The following PPP2R5A variants were observed in gnomAD, a reference collection of about 807,000 sequenced individuals.
PPP2R5A encodes the protein serine/threonine-protein phosphatase 2A 56 kDa regulatory subunit alpha isoform.
Under a neutral mutation model 64.2 loss-of-function variants are expected in PPP2R5A, and 25 were observed. The ratio of observed to expected loss-of-function variants is 0.39; its 90% CI spans 0.28 to 0.54. The LOEUF is 0.54. Among genes scored for constraint, PPP2R5A ranks in the 20% least tolerant of loss-of-function variants. The probability of loss-of-function intolerance (pLI) is 0.67; values close to 1 mark genes in which losing one functional copy is unlikely to be tolerated. For synonymous variants in PPP2R5A, 198 were observed against 201.2 expected, an observed-to-expected ratio of 0.98 and a Z score of 0.13; for missense variants, 425 against 576.3, an observed-to-expected ratio of 0.74 and a Z score of 2.69.
rs572412604 is a variant in PPP2R5A at position 212,354,818 on chromosome 1, C to T, written c.928-1808C>T. Among the ~76,000 whole-genome samples, 4 of 152,202 alleles carry T rather than the reference C, an allele frequency of 2.6e-5. No homozygotes were observed. The East Asian group carries it at 5.8e-4, about 22-fold the overall frequency. Reference sequence around the variant, plus strand: ...AATGCTATATTTTTACTGTACCTTTCGTGTTTAGATACACAAATACTATTG... The same window carrying T: ...AATGCTATATTTTTACTGTACCTTTTGTGTTTAGATACACAAATACTATTG... On this transcript the variant is annotated intron_variant, in intron 8 of 12. Coordinates refer to ENST00000261461, the MANE Select transcript of PPP2R5A (RefSeq NM_006243.4).
intron 12 of PPP2R5A, 61 bp downstream of exon 12, chr1:212,358,848 A>G: frequency 7.4e-7 from 1 of 1,342,420 alleles, no homozygotes; most frequent in African/African-American, 1.5e-5. Flanking sequence ...AATGTGATTC[A>G]GTTCAGGAAG....
intron 3 of PPP2R5A, among the ~76,000 whole-genome samples, chr1:212,336,246 T>A (rs964348945): frequency 6.6e-6 from 1 of 152,080 alleles, no homozygotes. Flanking sequence ...CTCTTGAGTA[T>A]CTGGGACTGC....
intron 1 of PPP2R5A, among the ~76,000 whole-genome samples, chr1:212,312,997 T>C (rs1031264079): frequency 1.3e-5 from 2 of 152,144 alleles, no homozygotes; most frequent in Non-Finnish European, 2.9e-5. Flanking sequence ...AAATAGAAAG[T>C]TCCTTCTCTG....
intron 6 of PPP2R5A, among the ~76,000 whole-genome samples, chr1:212,347,706 AT>A (rs1014399178): frequency 7.9e-5 from 12 of 151,690 alleles, no homozygotes; most frequent in African/African-American, 2.7e-4. Context: ...CACCCAACGA[AT>A]TTTTTAATTT....
chr1:212,322,720 T>G (rs1367710270), intron 1 of PPP2R5A, among the ~76,000 whole-genome samples: 1 of 152,094 alleles, frequency 6.6e-6, no homozygotes, highest in African/African-American at 2.4e-5. Context: ...CAGTGAAATA[T>G]CTTGTAAAGC....
At chr1:212,347,231 A>C (rs1013931394) in intron 5 of PPP2R5A, 116 bp from the exon 6 acceptor site, 1 of 730,590 alleles carries the variant, frequency 1.4e-6, no homozygotes, top group African/African-American at 1.8e-5. Context: ...GACCCAAAAC[A>C]TGCTTGTGTG....
chr1:212,296,209 G>A (rs1041636935), intron 1 of PPP2R5A, among the ~76,000 whole-genome samples: 1 of 152,112 alleles, frequency 6.6e-6, no homozygotes, highest in South Asian at 2.1e-4. Flanking sequence ...TCCCACCACC[G>A]AGAAAGGAGT....
At position 212,286,025 on chromosome 1, in the gene PPP2R5A, CT is replaced by C; in HGVS notation, c.-85del. ...GCGCAGGGGCGCGAGCACCCCGCGC[CT>C]CTCCCCCGCCTCCTCCTGCCGTCTC... is the stretch of plus-strand genomic sequence containing the variant. On this transcript the variant is annotated 5_prime_UTR_variant, in exon 1 of 13. Coordinates refer to ENST00000261461, the MANE Select transcript of PPP2R5A (RefSeq NM_006243.4). 1.5e-6 allele frequency: 2 copies of C among 1,362,708 alleles called. No individual in the cohort carries two copies. Among genetic ancestry groups the C allele is most frequent in the East Asian group, 6.2e-5 (2 of 32,344 alleles). The allele number at this position is 1,362,708 out of a possible 1,614,324, so 84.4% of individuals were successfully genotyped here. A position where few individuals can be genotyped will look rare whatever the true frequency, so the allele number is the denominator to read the frequency against.
At chr1:212,301,928 A>G in intron 1 of PPP2R5A, 2 of 1,326,870 alleles carry the variant, frequency 1.5e-6, no homozygotes, top group Non-Finnish European at 2.0e-6. Flanking sequence ...ATAGTTATAA[A>G]ATTATTATTT....
At chr1:212,305,366 C>G (rs1301081558) in intron 1 of PPP2R5A, among the ~76,000 whole-genome samples, 1 of 143,552 alleles carries the variant, frequency 7.0e-6, no homozygotes, top group South Asian at 2.1e-4. Flanking sequence ...AACTTCATTC[C>G]TTTGTGGTCA....
chr1:212,360,837 T>A lies in PPP2R5A; in HGVS notation c.*67T>A. 1.4e-6 allele frequency: 2 copies of A among 1,429,450 alleles called. No homozygotes were observed. The highest frequency in any genetic ancestry group is 3.2e-5 in the South Asian group (2 of 63,188). 88.5% of individuals were successfully genotyped at this position (1,429,450 alleles called of 1,614,324 possible). ...ATGCTTTTTTGAAATATGTAAAAATTACAAAACAAACCTCATCAGTATAAT... is the reference window on the plus strand; with the variant it reads ...ATGCTTTTTTGAAATATGTAAAAATAACAAAACAAACCTCATCAGTATAAT... On this transcript the variant is annotated 3_prime_UTR_variant, in exon 13 of 13. Coordinates refer to ENST00000261461, the MANE Select transcript of PPP2R5A (RefSeq NM_006243.4).
chr1:212,300,742 C>G lies in PPP2R5A; in HGVS notation c.181+14451C>G, dbSNP rs1040905024. The stretch of plus-strand genomic sequence containing the variant: ...TATTTCTGGAAATACTGAATCAACT[C>G]ATTTGAAACCTTGGTTATAAGTTTC... On this transcript the variant is annotated intron_variant, in intron 1 of 12. Transcript: ENST00000261461. Among the ~76,000 whole-genome samples, 82 of 151,972 alleles carry G rather than the reference C, an allele frequency of 5.4e-4. 1 individual carries two copies. The highest frequency in any genetic ancestry group is 2.6e-4 in the Non-Finnish European group (18 of 67,976).
chr1:212,357,366 G>A, intron 11 of PPP2R5A, 82 bp downstream of exon 11: 1 of 1,270,630 alleles, frequency 7.9e-7, no homozygotes, highest in Non-Finnish European at 1.0e-6. Context: ...ACTCATACTT[G>A]AAACCTATTA....
intron 2 of PPP2R5A, among the ~76,000 whole-genome samples, chr1:212,330,101 A>G (rs1571597971): frequency 6.6e-6 from 1 of 152,158 alleles, no homozygotes; most frequent in Admixed American, 6.5e-5. Context: ...ACTGCAGCCA[A>G]CTTTATTGAA....
At chr1:212,326,214 T>G (rs968026172) in intron 1 of PPP2R5A, among the ~76,000 whole-genome samples, 1 of 152,028 alleles carries the variant, frequency 6.6e-6, no homozygotes, top group African/African-American at 2.4e-5. Context: ...GCATATTACT[T>G]AGTATTAAAA....
At chr1:212,325,310 T>C (rs7519959) in intron 1 of PPP2R5A, among the ~76,000 whole-genome samples, 45,360 of 152,074 alleles carry the variant, frequency 0.3, 7,332 homozygotes, top group Non-Finnish European at 0.37. Flanking sequence ...TTGTGGAGAA[T>C]GTGAGATTAA....
chr1:212,345,428 T>C lies in PPP2R5A; in HGVS notation c.574-375T>C, dbSNP rs373319630. Among the ~76,000 whole-genome samples the C allele has an allele frequency of 8.5e-4, 129 of 152,262 alleles. 1 individual carries two copies. The highest frequency in any genetic ancestry group is 6.7e-3 in the Admixed American group (103 of 15,294). ...ATTTGATGACTTGCAATCTAAAAAC[T>C]TAAACGATTTTCTATGTAGTTTTGA... On this transcript the variant is annotated intron_variant, in intron 4 of 12. Transcript: ENST00000261461.
intron 1 of PPP2R5A, among the ~76,000 whole-genome samples, chr1:212,286,599 G>A (rs1181600509): frequency 6.6e-6 from 1 of 152,168 alleles, no homozygotes; most frequent in East Asian, 1.9e-4. Context: ...CCGTGAAGTA[G>A]AGTCCTTCAC....
chr1:212,312,113 A>G (rs1274143036), intron 1 of PPP2R5A, among the ~76,000 whole-genome samples: 1 of 152,092 alleles, frequency 6.6e-6, no homozygotes, highest in South Asian at 2.1e-4. Flanking sequence ...TTTATACCAT[A>G]TTTTTTATTG....
Sources: gnomAD v4.1 joint callset for allele counts (sites outside exome capture counted in the v4.1 genomes callset) on GRCh38, gnomAD v4.1.1 for gene constraint, MANE v1.5 for transcripts, NCBI Gene and HGNC (gene_info 2026-07-23, HGNC 2026-07-21) for gene names.